Variants in COL4A2 observed in about 807,000 individuals in gnomAD.
COL4A2 encodes collagen type IV alpha 2 chain.
COL4A2 carries 99 observed loss-of-function variants against 200.2 expected under a neutral mutation model. That is an observed-to-expected ratio of 0.49 (90% CI 0.42 to 0.58). The LOEUF (loss-of-function observed/expected upper bound fraction) is 0.58, where lower values mean the gene tolerates loss of function less well. COL4A2 is among the 20% of genes least tolerant of loss of function. The pLI is 0.00. For synonymous variants in COL4A2, 897 were observed against 900.6 expected (o/e 1.00, Z 0.07); for missense variants, 1,950 against 2,314.1 (o/e 0.84, Z 3.23).
At position 110,503,697 on chromosome 13, in the gene COL4A2, A is replaced by G. The variant is rs1021055122; in HGVS notation, c.4139-150A>G. Reference sequence around the variant, plus strand: ...AACGGCAGGCGCTGAGTCACGGCTCAGGCCCGTTAGTGTCTGGCTCATCTC... The same window carrying G: ...AACGGCAGGCGCTGAGTCACGGCTCGGGCCCGTTAGTGTCTGGCTCATCTC... On this transcript the variant is annotated intron_variant, in intron 43 of 47. Coordinates refer to ENST00000360467, the MANE Select transcript of COL4A2 (RefSeq NM_001846.4). 9.5e-6 allele frequency: 9 copies of G among 949,304 alleles called. No homozygotes were observed. The Admixed American group carries it at 1.2e-4, about 13-fold the overall frequency. The allele number at this position is 949,304 out of a possible 1,614,324, so 58.8% of individuals were successfully genotyped here. A position where few individuals can be genotyped will look rare whatever the true frequency, so the allele number is the denominator to read the frequency against.
At chr13:110,313,161 C>T (rs574161658) in intron 3 of COL4A2, among the ~76,000 whole-genome samples, 173 of 152,164 alleles carry the variant, frequency 1.1e-3, no homozygotes, top group Non-Finnish European at 9.7e-4. Flanking sequence ...TGTGACATTT[C>T]TCAGTTGAGA....
chr13:110,317,785 A>G (rs1885179932), intron 3 of COL4A2, among the ~76,000 whole-genome samples: 2 of 152,222 alleles, frequency 1.3e-5, no homozygotes, highest in Admixed American at 6.5e-5. Context: ...AGGGGCAAAC[A>G]CGGCTTTATG....
intron 4 of COL4A2, among the ~76,000 whole-genome samples, chr13:110,378,864 G>A (rs1429457146): frequency 6.6e-6 from 1 of 152,140 alleles, no homozygotes; most frequent in Non-Finnish European, 1.5e-5. Flanking sequence ...TGTGATCATG[G>A]TGGAGAGCTC....
Position 110,491,357 on chromosome 13 carries a change from C to A in COL4A2, c.3454+17C>A. 1.3e-6 allele frequency: 2 copies of A among 1,517,900 alleles called. No individual in the cohort carries two copies. Among genetic ancestry groups the A allele is most frequent in the Non-Finnish European group, 1.8e-6 (2 of 1,111,270 alleles). 94.0% of individuals were successfully genotyped at this position (1,517,900 alleles called of 1,614,324 possible). On this transcript the variant is annotated intron_variant, in intron 37 of 47. Coordinates refer to ENST00000360467, the MANE Select transcript of COL4A2 (RefSeq NM_001846.4). ...GACAAACAGGTAAAATCTCCCGCAG[C>A]CACACAGCCTTCCTCAGGCAGGCCC...
chr13:110,442,790 ATGC>A lies in COL4A2; in HGVS notation c.957+2960_957+2962del, dbSNP rs1881176309. On this transcript the variant is annotated intron_variant, in intron 16 of 47. Transcript: ENST00000360467. ...AAACATATCTTTAGTAACTGAGCAAATGCTGTCCACAGTGTTATTTTATAATTT... is the reference window on the plus strand; with the variant it reads ...AAACATATCTTTAGTAACTGAGCAAATGTCCACAGTGTTATTTTATAATTT... Among the ~76,000 whole-genome samples, 3 of 152,356 alleles carry A rather than the reference ATGC, an allele frequency of 2.0e-5. No homozygotes were observed. The South Asian group carries it at 6.2e-4, about 32-fold the overall frequency.
intron 33 of COL4A2, 121 bp from the exon 34 acceptor site, chr13:110,485,522 CAAAAAAAAAAAA>C (rs34819988): frequency 1.9e-5 from 7 of 360,052 alleles, no homozygotes; most frequent in Admixed American, 6.1e-5. Flanking sequence ...GACTCCGTCT[CAAAAAAAAAAAA>C]AAAAAAAAAA....
chr13:110,438,603 T>G lies in COL4A2; in HGVS notation c.862-15T>G. 1 of 1,614,176 alleles carries G rather than the reference T, an allele frequency of 6.2e-7. No individual in the cohort carries two copies. Among genetic ancestry groups the G allele is most frequent in the Non-Finnish European group, 8.5e-7 (1 of 1,180,026 alleles). On this transcript the variant is annotated splice_polypyrimidine_tract_variant and intron_variant, in intron 14 of 47. Coordinates refer to ENST00000360467, the MANE Select transcript of COL4A2 (RefSeq NM_001846.4). ...CCCCTGGGTTGCTCCTTACGCCCCC[T>G]CTGCTCTCTCCTAGGGCATTTCCTT...
At chr13:110,431,409 C>G (rs1455516798) in intron 10 of COL4A2, among the ~76,000 whole-genome samples, 1 of 152,080 alleles carries the variant, frequency 6.6e-6, no homozygotes, top group East Asian at 1.9e-4. Context: ...GGGGGGTACT[C>G]ATAATTCTCT....
intron 16 of COL4A2, among the ~76,000 whole-genome samples, chr13:110,444,001 C>T (rs1881231272): frequency 6.6e-6 from 1 of 152,188 alleles, no homozygotes; most frequent in South Asian, 2.1e-4. Flanking sequence ...TCGTGCATAA[C>T]CCTCAGCCTC....
intron 3 of COL4A2, among the ~76,000 whole-genome samples, chr13:110,314,657 A>G (rs1885085460): frequency 6.6e-6 from 1 of 152,160 alleles, no homozygotes; most frequent in Admixed American, 6.5e-5. Context: ...TGAGCCCAAG[A>G]TGGAAGGGCA....
intron 3 of COL4A2, among the ~76,000 whole-genome samples, chr13:110,331,042 A>AT (rs1220401516): frequency 6.0e-5 from 9 of 149,342 alleles, no homozygotes; most frequent in South Asian, 2.2e-4. Context: ...GATCAGTAAT[A>AT]TTTTTTTCTT....
At chr13:110,369,178 T>C (rs1877892154) in intron 4 of COL4A2, among the ~76,000 whole-genome samples, 1 of 152,044 alleles carries the variant, frequency 6.6e-6, no homozygotes, top group Non-Finnish European at 1.5e-5. Context: ...ACCACTGCAC[T>C]CCAGCCTGGT....
At chr13:110,353,688 A>G (rs531863969) in intron 3 of COL4A2, among the ~76,000 whole-genome samples, 1 of 152,354 alleles carries the variant, frequency 6.6e-6, no homozygotes, top group Non-Finnish European at 1.5e-5. Flanking sequence ...CTCACATTCC[A>G]AAGTGTGGTA....
At chr13:110,465,271 C>T in intron 24 of COL4A2, 134 bp from the exon 25 acceptor site, 1 of 1,175,474 alleles carries the variant, frequency 8.5e-7, no homozygotes. Context: ...GCACTAGGTT[C>T]CTGTTCATCT....
chr13:110,434,300 G>A, intron 11 of COL4A2, 101 bp from the exon 12 acceptor site: 1 of 1,031,332 alleles, frequency 9.7e-7, no homozygotes, highest in East Asian at 2.5e-5. Context: ...CAGTAAAGTT[G>A]CCGATAAATA....
chr13:110,405,782 A>C (rs1180720596), intron 4 of COL4A2, among the ~76,000 whole-genome samples: 1 of 152,184 alleles, frequency 6.6e-6, no homozygotes, highest in Non-Finnish European at 1.5e-5. Context: ...AGAGTGACTC[A>C]TGTCTTTCCC....
At chr13:110,418,943 G>T (rs1332353158) in intron 4 of COL4A2, among the ~76,000 whole-genome samples, 1 of 152,180 alleles carries the variant, frequency 6.6e-6, no homozygotes, top group East Asian at 1.9e-4. Context: ...TCTAAATTTT[G>T]GCCGGTGGAA....
Position 110,489,430 on chromosome 13 carries a change from C to T in COL4A2, c.3208-15C>T, listed in dbSNP as rs1453555207. The T allele has an allele frequency of 1.2e-6, 2 of 1,613,782 alleles. No individual in the cohort carries two copies. Among genetic ancestry groups the T allele is most frequent in the Admixed American group, 1.7e-5 (1 of 59,994 alleles). On this transcript the variant is annotated splice_polypyrimidine_tract_variant and intron_variant, in intron 34 of 47. Transcript: ENST00000360467. ...TCGCTAACAGCCTTCTAAGATGGTT[C>T]ATGTCTGTCTTTAGGGTGACAAAGG...
chr13:110,510,130 G>A (rs1384982678), intron 47 of COL4A2, among the ~76,000 whole-genome samples: 2 of 152,376 alleles, frequency 1.3e-5, no homozygotes, highest in South Asian at 2.1e-4. Context: ...GAGAGCAACT[G>A]CCCCACCGTC....
Sources: allele counts gnomAD v4.1 joint callset (sites outside exome capture counted in the v4.1 genomes callset), GRCh38; gene constraint gnomAD v4.1.1; transcripts MANE v1.5; gene names NCBI Gene and HGNC (gene_info 2026-07-23, HGNC 2026-07-21).